STXBP5L: variants seen among roughly 807,000 people sequenced by gnomAD.
The protein encoded by STXBP5L is syntaxin binding protein 5L, also known as syntaxin-binding protein 5-like.
STXBP5L carries 65 observed loss-of-function variants against 144.5 expected under a neutral mutation model. The observed-to-expected ratio is 0.45, with a 90% CI of 0.37 to 0.55. The LOEUF is 0.55. Ranked by LOEUF, STXBP5L falls within the 20% of genes least tolerant of loss-of-function variation. The probability of loss-of-function intolerance (pLI) is 0.00; values close to 1 mark genes in which losing one functional copy is unlikely to be tolerated. For synonymous variants in STXBP5L, 505 were observed against 469.6 expected, an observed-to-expected ratio of 1.08 and a Z score of -0.97; for missense variants, 1,298 against 1,405.5, an observed-to-expected ratio of 0.92 and a Z score of 1.22.
intron 14 of STXBP5L, among the ~76,000 whole-genome samples, chr3:121,250,084 T>C (rs1438291972): frequency 2.0e-5 from 3 of 152,072 alleles, no homozygotes; most frequent in Admixed American, 6.5e-5. Flanking sequence ...TTACTTGATT[T>C]GTATTGCCAA....
intron 9 of STXBP5L, among the ~76,000 whole-genome samples, chr3:121,198,620 C>T (rs1388439439): frequency 1.3e-5 from 2 of 152,096 alleles, no homozygotes; most frequent in African/African-American, 2.4e-5. Context: ...GTGTTTAGGT[C>T]TTACATTTAA....
At chr3:121,401,102 A>T (rs185761091) in intron 22 of STXBP5L, among the ~76,000 whole-genome samples, 158 of 152,264 alleles carry the variant, frequency 1.0e-3, no homozygotes, top group African/African-American at 3.7e-3. Flanking sequence ...AAATGAGAGC[A>T]ATGGTTGCCC....
intron 19 of STXBP5L, among the ~76,000 whole-genome samples, chr3:121,303,845 A>G (rs1369303091): frequency 1.3e-5 from 2 of 151,968 alleles, no homozygotes; most frequent in East Asian, 1.9e-4. Context: ...ACATGGACAC[A>G]GGAAGGGGAA....
intron 3 of STXBP5L, among the ~76,000 whole-genome samples, chr3:120,959,529 G>C (rs1239232207): frequency 6.6e-6 from 1 of 152,124 alleles, no homozygotes; most frequent in African/African-American, 2.4e-5. Context: ...AAGCAAAACA[G>C]CATGGTACTG....
chr3:121,419,160 C>A lies in STXBP5L; in HGVS notation c.*63C>A. On this transcript the variant is annotated 3_prime_UTR_variant, in exon 27 of 27. Coordinates refer to ENST00000471454, the MANE Select transcript of STXBP5L (RefSeq NM_001308330.2). ...TCAGGGAAACCAAATTTATTCCCAGCATCACTACTCAACTGCTAGAAGCCA... is the reference window on the plus strand; with the variant it reads ...TCAGGGAAACCAAATTTATTCCCAGAATCACTACTCAACTGCTAGAAGCCA... The A allele has an allele frequency of 6.8e-7, 1 of 1,462,740 alleles. No individual in the cohort carries two copies. The highest frequency in any genetic ancestry group is 9.4e-7 in the Non-Finnish European group (1 of 1,060,962). The allele number at this position is 1,462,740 out of a possible 1,614,324, so 90.6% of individuals were successfully genotyped here. A position where few individuals can be genotyped will look rare whatever the true frequency, so the allele number is the denominator to read the frequency against.
intron 2 of STXBP5L, among the ~76,000 whole-genome samples, chr3:120,949,304 T>A (rs1228381601): frequency 6.6e-6 from 1 of 152,104 alleles, no homozygotes. Context: ...TCTTGTAGAT[T>A]CTGGATATTA....
chr3:121,041,846 T>A, intron 4 of STXBP5L, 65 bp downstream of exon 4: 1 of 1,046,742 alleles, frequency 9.6e-7, no homozygotes, highest in Non-Finnish European at 1.5e-6. Context: ...TCAGTTAATG[T>A]AATCTTTTAA....
intron 22 of STXBP5L, among the ~76,000 whole-genome samples, chr3:121,383,313 G>T (rs1026087180): frequency 2.6e-5 from 4 of 151,754 alleles, no homozygotes; most frequent in Non-Finnish European, 5.9e-5. Context: ...GTGTGTGTGT[G>T]CCTGAGCCAG....
chr3:120,966,896 T>A (rs1198932179), intron 3 of STXBP5L, among the ~76,000 whole-genome samples: 2 of 152,194 alleles, frequency 1.3e-5, no homozygotes, highest in African/African-American at 4.8e-5. Flanking sequence ...AGCTATACCC[T>A]GCCCAGAGAG....
At chr3:120,994,367 T>A (rs536786369) in intron 3 of STXBP5L, among the ~76,000 whole-genome samples, 1 of 152,166 alleles carries the variant, frequency 6.6e-6, no homozygotes, top group South Asian at 2.1e-4. Flanking sequence ...TCTTTTTCTG[T>A]GTCTTAGAAA....
chr3:121,064,694 C>T (rs2041457361), intron 5 of STXBP5L, among the ~76,000 whole-genome samples: 1 of 152,122 alleles, frequency 6.6e-6, no homozygotes, highest in African/African-American at 2.4e-5. Context: ...AGATGTTCCA[C>T]ATTTTTTTAG....
chr3:121,163,594 A>C (rs1014208315), intron 9 of STXBP5L, among the ~76,000 whole-genome samples: 1 of 152,160 alleles, frequency 6.6e-6, no homozygotes, highest in African/African-American at 2.4e-5. Context: ...TTTAATAAAC[A>C]ATAAAACAGA....
chr3:121,010,225 G>A (rs917974459), intron 3 of STXBP5L, among the ~76,000 whole-genome samples: 1 of 151,644 alleles, frequency 6.6e-6, no homozygotes, highest in African/African-American at 2.4e-5. Flanking sequence ...AATTATTTAG[G>A]TAAATGACTA....
chr3:121,096,001 C>T (rs905638604), intron 5 of STXBP5L, among the ~76,000 whole-genome samples: 9 of 152,012 alleles, frequency 5.9e-5, no homozygotes, highest in East Asian at 5.8e-4. Flanking sequence ...TGTCTGTCAC[C>T]GCTTCTCTGG....
chr3:121,143,345 C>T (rs2045585124), intron 7 of STXBP5L, among the ~76,000 whole-genome samples: 1 of 150,242 alleles, frequency 6.7e-6, no homozygotes, highest in African/African-American at 2.4e-5. Context: ...CAGCATTACC[C>T]TGACACCAAA....
chr3:121,084,352 T>G (rs2042389188), intron 5 of STXBP5L, among the ~76,000 whole-genome samples: 2 of 152,136 alleles, frequency 1.3e-5, no homozygotes, highest in South Asian at 4.1e-4. Flanking sequence ...ATCCTGATGC[T>G]CTCCCTCCCC....
intron 20 of STXBP5L, among the ~76,000 whole-genome samples, chr3:121,365,434 T>C (rs113871850): frequency 0.019 from 2,942 of 151,488 alleles, 89 homozygotes; most frequent in African/African-American, 0.066. Context: ...TTTTTTTTGT[T>C]ACTGATTAAA....
At chr3:121,355,942 G>A (rs1036102378) in intron 20 of STXBP5L, among the ~76,000 whole-genome samples, 2 of 152,312 alleles carry the variant, frequency 1.3e-5, no homozygotes, top group Non-Finnish European at 2.9e-5. Context: ...CTAACAGTCA[G>A]GTTCCTCAGC....
chr3:121,292,649 T>C (rs943218416), intron 19 of STXBP5L, among the ~76,000 whole-genome samples: 1 of 152,130 alleles, frequency 6.6e-6, no homozygotes, highest in Non-Finnish European at 1.5e-5. Flanking sequence ...CAAATGGCCA[T>C]CAATCAACGA....
Sources: allele counts gnomAD v4.1 joint callset (sites outside exome capture counted in the v4.1 genomes callset), GRCh38; gene constraint gnomAD v4.1.1; transcripts MANE v1.5; gene names NCBI Gene and HGNC (gene_info 2026-07-23, HGNC 2026-07-21).